PIEZO2: variants seen among roughly 807,000 people sequenced by gnomAD.
PIEZO2 encodes the protein piezo-type mechanosensitive ion channel component 2.
Under a neutral mutation model 337.3 loss-of-function variants are expected in PIEZO2, and 172 were observed. The observed-to-expected ratio is 0.51, with a 90% CI of 0.45 to 0.58. The LOEUF is 0.58. Among genes scored for constraint, PIEZO2 ranks in the 20% least tolerant of loss-of-function variants. The pLI is 0.00. For missense variants in PIEZO2, 3,028 were observed against 3,391.3 expected, an observed-to-expected ratio of 0.89 and a Z score of 2.66; for synonymous variants, 1,251 against 1,228.5, an observed-to-expected ratio of 1.02 and a Z score of -0.38.
chr18:10,855,430 A>G lies in PIEZO2; in HGVS notation c.840T>C (p.Ala280=). ...ATAAATAAAGTCCAATCAAATGTCC[A>G]GCAGTGAAAATAGCCAGCAGAACAC... ...CLCVLLAIFT[A]GHLIGLYLYQ... is the part of the protein sequence containing the mutation. Residue 280 remains alanine, a synonymous_variant, in exon 7 of 56, where the codon GCT becomes GCC. Coordinates refer to ENST00000674853, the MANE Select transcript of PIEZO2 (RefSeq NM_001378183.1). The surrounding 1 kb of genome is among the most constrained non-coding windows in gnomAD (Gnocchi z 4.9). 1 of 1,537,216 alleles carries G rather than the reference A, an allele frequency of 6.5e-7. No homozygotes were observed. Among genetic ancestry groups the G allele is most frequent in the Non-Finnish European group, 8.7e-7 (1 of 1,146,866 alleles).
At chr18:10,740,863 C>A in intron 33 of PIEZO2, 168 bp downstream of exon 33, 1 of 730,522 alleles carries the variant, frequency 1.4e-6, no homozygotes, top group Non-Finnish European at 2.4e-6. Context: ...AATTGGACCC[C>A]GGGCTCAAAG....
intron 2 of PIEZO2, among the ~76,000 whole-genome samples, chr18:10,981,672 A>G (rs1196966112): frequency 1.3e-5 from 2 of 152,170 alleles, no homozygotes; most frequent in African/African-American, 4.8e-5. Flanking sequence ...TTGCCAAACG[A>G]GAGATTAACA....
intron 2 of PIEZO2, among the ~76,000 whole-genome samples, chr18:11,045,670 C>G (rs1256380196): frequency 6.6e-6 from 1 of 152,134 alleles, no homozygotes; most frequent in African/African-American, 2.4e-5. Flanking sequence ...TCTGTGCATG[C>G]CCAAGAATGA....
At chr18:10,961,726 T>C (rs2033789052) in intron 3 of PIEZO2, among the ~76,000 whole-genome samples, 1 of 152,148 alleles carries the variant, frequency 6.6e-6, no homozygotes, top group Non-Finnish European at 1.5e-5. Context: ...TTTACAGTGC[T>C]GGAAATCCAA....
intron 2 of PIEZO2, among the ~76,000 whole-genome samples, chr18:11,061,605 A>C (rs1487980673): frequency 6.6e-6 from 1 of 152,108 alleles, no homozygotes; most frequent in Non-Finnish European, 1.5e-5. Context: ...ATTCTTATAC[A>C]CCAAAAACAG....
At chr18:10,925,481 G>T (rs1185950406) in intron 3 of PIEZO2, among the ~76,000 whole-genome samples, 2 of 152,148 alleles carry the variant, frequency 1.3e-5, no homozygotes, top group African/African-American at 4.8e-5. Context: ...TGAGGGACAG[G>T]TGATAAAAAT....
intron 3 of PIEZO2, among the ~76,000 whole-genome samples, chr18:10,934,646 T>TGC (rs1555678693): frequency 6.8e-6 from 1 of 147,752 alleles, no homozygotes; most frequent in Non-Finnish European, 1.5e-5. Flanking sequence ...CGTGTGTGTG[T>TGC]GTGTGTGTGT....
rs533003302 is a variant in PIEZO2 at position 11,094,034 on chromosome 18, A to C, written c.65-27812T>G. Reference sequence around the variant, plus strand: ...GCTCTTGGGGCCCAGGCTGGAGTGCAGTGGTGCTACTGCGGCTCACTGCAA... The same window carrying C: ...GCTCTTGGGGCCCAGGCTGGAGTGCCGTGGTGCTACTGCGGCTCACTGCAA... On this transcript the variant is annotated intron_variant, in intron 1 of 55. Coordinates refer to ENST00000674853, the MANE Select transcript of PIEZO2 (RefSeq NM_001378183.1). The surrounding 1 kb of genome is among the most constrained non-coding windows in gnomAD (Gnocchi z 4.4). Among the ~76,000 whole-genome samples, 2 of 151,624 alleles carry C rather than the reference A, an allele frequency of 1.3e-5. No homozygotes were observed. The highest frequency in any genetic ancestry group is 1.3e-4 in the Admixed American group (2 of 15,230).
intron 17 of PIEZO2, among the ~76,000 whole-genome samples, chr18:10,782,216 T>C (rs889512264): frequency 1.5e-5 from 2 of 133,066 alleles, no homozygotes; most frequent in East Asian, 4.0e-4. Context: ...TATAATTATA[T>C]ATATCATAAT....
rs776088151 is a variant in PIEZO2 at position 10,742,597 on chromosome 18, G to A, written c.4533C>T (p.Ala1511=). 3.7e-5 allele frequency: 57 copies of A among 1,536,960 alleles called. No individual in the cohort carries two copies. Among genetic ancestry groups the A allele is most frequent in the Non-Finnish European group, 4.7e-5 (54 of 1,146,852 alleles). The change falls in exon 32 of 56, where the codon GCC becomes GCT. Residue 1511 remains alanine (A), a synonymous_variant. Transcript: ENST00000674853. The stretch of plus-strand genomic sequence containing the variant: ...TACCCTTTTTATATTTCTGTTGCCT[G>A]GCCTTGATGCGATCCATCCTATAAA... The part of the protein sequence containing the change: ...QLKRQMDRIK[A]RQQKYKKGKE...
chr18:10,850,991 G>T lies in PIEZO2; in HGVS notation c.917+4362C>A, dbSNP rs1023086131. Among the ~76,000 whole-genome samples, 2 of 152,050 alleles carry T rather than the reference G, an allele frequency of 1.3e-5. No individual in the cohort carries two copies. Among genetic ancestry groups the T allele is most frequent in the Non-Finnish European group, 2.9e-5 (2 of 68,000 alleles). ...TTTTACCAGAAGATAAAAATTGCTT[G>T]GACTGTTTTAAGGGCAGCTTTATCT... On this transcript the variant is annotated intron_variant, in intron 7 of 55. Transcript: ENST00000674853. This position sits in a 1 kb window ranked among gnomAD's most constrained non-coding sequence, Gnocchi z 4.5.
chr18:10,971,728 A>C (rs2034244925), intron 3 of PIEZO2, among the ~76,000 whole-genome samples: 1 of 152,172 alleles, frequency 6.6e-6, no homozygotes, highest in African/African-American at 2.4e-5. Context: ...ACAGCCTCCA[A>C]AATTTATGTA....
chr18:10,783,392 A>T lies in PIEZO2; in HGVS notation c.2492+1392T>A, dbSNP rs1416449419. Among the ~76,000 whole-genome samples the T allele has an allele frequency of 6.6e-6, 1 of 152,216 alleles. No homozygotes were observed. The highest frequency in any genetic ancestry group is 1.9e-4 in the East Asian group (1 of 5,200). ...GATTAAAAAAATCCTTTTTCTGATT[A>T]TTGACAATTCTCACTTTTATGTGCA... On this transcript the variant is annotated intron_variant, in intron 17 of 55. Transcript: ENST00000674853. This position sits in a 1 kb window ranked among gnomAD's most constrained non-coding sequence, Gnocchi z 4.3.
rs2041140726 is a variant in PIEZO2, at chr18:10,839,939, A to T, written c.917+15414T>A. 4.6e-5 allele frequency among the ~76,000 whole-genome samples: 7 copies of T among 152,224 alleles called. No individual in the cohort carries two copies. In the South Asian group the frequency reaches 1.4e-3, roughly 31 times the overall value. ...ATCTAGGAAAAGAAACAATTGGCTG[A>T]GTCTCACAAAAACTTGCATCTTCTC... On this transcript the variant is annotated intron_variant, in intron 7 of 55. Coordinates refer to ENST00000674853, the MANE Select transcript of PIEZO2 (RefSeq NM_001378183.1).
chr18:10,685,029 T>C (rs2034489165), intron 49 of PIEZO2, among the ~76,000 whole-genome samples: 2 of 152,114 alleles, frequency 1.3e-5, no homozygotes, highest in Admixed American at 1.3e-4. Context: ...TCCTGAAATG[T>C]TCTGGAAAGT....
chr18:10,736,578 A>C, intron 34 of PIEZO2, 26 bp downstream of exon 34: 1 of 1,536,602 alleles, frequency 6.5e-7, no homozygotes, highest in Non-Finnish European at 8.7e-7. Flanking sequence ...TCCAACTAGC[A>C]AAGAAATGAT....
At chr18:10,880,297 G>A (rs192648327) in intron 4 of PIEZO2, among the ~76,000 whole-genome samples, 21 of 152,318 alleles carry the variant, frequency 1.4e-4, no homozygotes, top group Middle Eastern at 3.4e-3. Flanking sequence ...TCAAAGACCA[G>A]AGAAGAAGCA....
At chr18:10,968,224 G>A (rs1002353714) in intron 3 of PIEZO2, among the ~76,000 whole-genome samples, 8 of 152,042 alleles carry the variant, frequency 5.3e-5, no homozygotes, top group Non-Finnish European at 1.0e-4. Context: ...CTCACTTTAT[G>A]TTCTTGTTTG....
rs2037381889 is a variant in PIEZO2, at chr18:11,048,056, G to T, written c.160+18071C>A. On this transcript the variant is annotated intron_variant, in intron 2 of 55. Coordinates refer to ENST00000674853, the MANE Select transcript of PIEZO2 (RefSeq NM_001378183.1). The surrounding 1 kb of genome is among the most constrained non-coding windows in gnomAD (Gnocchi z 4.5). ...CAGGCCAACCCACCCAGTGACACCT[G>T]CTGGGTGTAGACAGTCAAGAGCACA... Among the ~76,000 whole-genome samples, 1 of 152,154 alleles carries T rather than the reference G, an allele frequency of 6.6e-6. No homozygotes were observed. Among genetic ancestry groups the T allele is most frequent in the African/African-American group, 2.4e-5 (1 of 41,432 alleles).
Sources: allele counts gnomAD v4.1 joint callset (sites outside exome capture counted in the v4.1 genomes callset), GRCh38; gene constraint gnomAD v4.1.1; non-coding constraint Gnocchi (gnomAD v3.1); transcripts MANE v1.5; gene names NCBI Gene and HGNC (gene_info 2026-07-23, HGNC 2026-07-21).